VWA5B1: variants seen among roughly 807,000 people sequenced by gnomAD.
VWA5B1 encodes the protein von Willebrand factor A domain containing 5B1.
Under a neutral mutation model 118.2 loss-of-function variants are expected in VWA5B1, and 115 were observed. The ratio of observed to expected loss-of-function variants is 0.97; its 90% CI spans 0.84 to 1.14. The LOEUF (loss-of-function observed/expected upper bound fraction) is 1.14, where lower values mean the gene tolerates loss of function less well. Among genes scored for constraint, VWA5B1 ranks in the 50% most tolerant of loss-of-function variants. VWA5B1 has a pLI of 0.00. For missense variants in VWA5B1, 1,596 were observed against 1,603.8 expected, an observed-to-expected ratio of 1.00 and a Z score of 0.08; for synonymous variants, 682 against 658.4, an observed-to-expected ratio of 1.04 and a Z score of -0.55.
chr1:20,307,103 G>C (rs1424452160), intron 1 of VWA5B1, among the ~76,000 whole-genome samples: 2 of 152,130 alleles, frequency 1.3e-5, no homozygotes, highest in African/African-American at 4.8e-5. Context: ...ACTGGACAAA[G>C]ACACGCTGTG....
chr1:20,296,682 A>G (rs192921113), intron 1 of VWA5B1, among the ~76,000 whole-genome samples: 51 of 152,370 alleles, frequency 3.3e-4, no homozygotes, highest in Admixed American at 3.1e-3. Flanking sequence ...GGTTGTAACT[A>G]TAATCTTATT....
intron 15 of VWA5B1, 33 bp downstream of exon 15, chr1:20,342,642 G>T (rs1316508955): frequency 4.2e-5 from 60 of 1,443,462 alleles, no homozygotes; most frequent in Non-Finnish European, 5.5e-5. Context: ...ACCCAACTGG[G>T]GACAGGGAGG....
At chr1:20,345,668 A>G in intron 17 of VWA5B1, 75 bp downstream of exon 17, 1 of 1,461,286 alleles carries the variant, frequency 6.8e-7, no homozygotes, top group South Asian at 1.4e-5. Flanking sequence ...GGGCTGAGAT[A>G]CAAAGGACCA....
rs971925037 is a variant in VWA5B1 at position 20,336,453 on chromosome 1, C to T, written c.1909C>T (p.Arg637Trp). Reference protein sequence around the residue: ...PFILGQAKNARLASGDSTTKH... With the variant: ...PFILGQAKNAWLASGDSTTKH... ...CATCCTAGGGCAGGCCAAAAATGCC[C>T]GGCTAGCCAGCGGAGACTCTACCAC... Residue 637 changes from arginine to tryptophan, a missense_variant, in exon 13 of 22, where the codon CGG becomes TGG. Coordinates refer to ENST00000289815, the MANE Select transcript of VWA5B1 (RefSeq NM_001039500.3). 1.4e-5 allele frequency: 21 copies of T among 1,476,124 alleles called. No individual in the cohort carries two copies. In the East Asian group the frequency reaches 2.1e-4, roughly 15 times the overall value. 91.4% of individuals were successfully genotyped at this position (1,476,124 alleles called of 1,614,324 possible). A position where few individuals can be genotyped will look rare whatever the true frequency, so the allele number is the denominator to read the frequency against.
chr1:20,319,549 G>T (rs1332069101), intron 7 of VWA5B1, 43 bp downstream of exon 7: 2 of 1,549,008 alleles, frequency 1.3e-6, no homozygotes, highest in South Asian at 1.2e-5. Context: ...GCAGAGTTGG[G>T]GTGGCGCTGA....
intron 12 of VWA5B1, 99 bp downstream of exon 12, chr1:20,333,050 A>C: frequency 1.4e-6 from 2 of 1,393,392 alleles, no homozygotes; most frequent in Non-Finnish European, 1.9e-6. Context: ...CTAGAAACCA[A>C]CTGGAAGTGG....
At chr1:20,352,373 C>T (rs1348163072) in intron 21 of VWA5B1, among the ~76,000 whole-genome samples, 1 of 152,152 alleles carries the variant, frequency 6.6e-6, no homozygotes, top group Non-Finnish European at 1.5e-5. Context: ...CATGAATCTC[C>T]CCTGCCCAGA....
intron 7 of VWA5B1, among the ~76,000 whole-genome samples, chr1:20,322,341 AGAG>A (rs2089244850): frequency 6.6e-6 from 1 of 152,180 alleles, no homozygotes. Flanking sequence ...GGAGACAGAG[AGAG>A]AAAGTCGGGG....
At chr1:20,308,432 G>A (rs983175829) in intron 1 of VWA5B1, among the ~76,000 whole-genome samples, 1 of 152,192 alleles carries the variant, frequency 6.6e-6, no homozygotes, top group Non-Finnish European at 1.5e-5. Flanking sequence ...CCCTAAGGCT[G>A]CGTTCCCCAA....
rs2089436367 is a variant in VWA5B1 at position 20,327,905 on chromosome 1, G to A, written c.1159G>A (p.Ala387Thr). The change falls in exon 9 of 22, where the codon GCC (alanine) becomes ACC (threonine). Residue 387 changes from alanine to threonine, a missense_variant. Transcript: ENST00000289815. Reference sequence around the variant, plus strand: ...CTCCTGCCAGGATGCCATGTTGGTGGCCCTTAAGAGCCTCATGCCAGCCTG... The same window carrying A: ...CTCCTGCCAGGATGCCATGTTGGTGACCCTTAAGAGCCTCATGCCAGCCTG... ...MHRVKDAMLV[A>T]LKSLMPACLF... The A allele has an allele frequency of 3.2e-6, 5 of 1,551,522 alleles. No homozygotes were observed. The highest frequency in any genetic ancestry group is 4.4e-6 in the Non-Finnish European group (5 of 1,146,962).
chr1:20,327,786 T>C (rs1557852515), intron 8 of VWA5B1, 104 bp from the exon 9 acceptor site: 1 of 975,852 alleles, frequency 1.0e-6, no homozygotes, highest in African/African-American at 1.6e-5. Flanking sequence ...GGTAAAGGTC[T>C]GTTTGGAGGC....
At chr1:20,305,155 G>C (rs1394566275) in intron 1 of VWA5B1, among the ~76,000 whole-genome samples, 1 of 151,600 alleles carries the variant, frequency 6.6e-6, no homozygotes, top group Non-Finnish European at 1.5e-5. Context: ...AAGTGCTAAG[G>C]AAAAAAAACA....
intron 6 of VWA5B1, 37 bp from the exon 7 acceptor site, chr1:20,319,345 C>A (rs190078487): frequency 3.2e-6 from 5 of 1,547,952 alleles, no homozygotes; most frequent in East Asian, 2.5e-5. Flanking sequence ...TCCTACGATA[C>A]CTGGCCAAGT....
chr1:20,323,997 A>C (rs2089300392), intron 8 of VWA5B1, among the ~76,000 whole-genome samples: 1 of 152,198 alleles, frequency 6.6e-6, no homozygotes, highest in African/African-American at 2.4e-5. Context: ...CACCTGCCCA[A>C]GGTCACATGG....
intron 12 of VWA5B1, among the ~76,000 whole-genome samples, chr1:20,335,259 G>A (rs2089679997): frequency 1.3e-5 from 2 of 152,222 alleles, no homozygotes; most frequent in African/African-American, 4.8e-5. Context: ...AGGCTGCAGT[G>A]AACTGATGAT....
chr1:20,350,234 A>AGT lies in VWA5B1; in HGVS notation c.2953+6_2953+7dup, dbSNP rs1415310726. 6.4e-7 allele frequency: 1 copy of AGT among 1,550,958 alleles called. No homozygotes were observed. ...GAGAAGCACGGTGCTTCTGAAGGTG[A>AGT]GTGGGCAGGTGGCGCTGCCTCTTCA... On this transcript the variant is annotated splice_donor_region_variant and intron_variant, in intron 19 of 21. Coordinates refer to ENST00000289815, the MANE Select transcript of VWA5B1 (RefSeq NM_001039500.3).
intron 8 of VWA5B1, among the ~76,000 whole-genome samples, chr1:20,326,881 T>A (rs926607461): frequency 1.3e-5 from 2 of 152,198 alleles, no homozygotes; most frequent in Non-Finnish European, 2.9e-5. Flanking sequence ...CTCACTGAGT[T>A]GATAATGATA....
chr1:20,336,918 C>G (rs1319059455), intron 13 of VWA5B1, among the ~76,000 whole-genome samples: 1 of 152,078 alleles, frequency 6.6e-6, no homozygotes, highest in South Asian at 2.1e-4. Context: ...GAAAATTTAA[C>G]AAACTATGGG....
chr1:20,348,657 C>T (rs1214711607), intron 18 of VWA5B1, among the ~76,000 whole-genome samples: 3 of 152,210 alleles, frequency 2.0e-5, no homozygotes, highest in Non-Finnish European at 2.9e-5. Context: ...GGTGCTGTTC[C>T]CTGCCTCCAG....
Sources: allele counts gnomAD v4.1 joint callset (sites outside exome capture counted in the v4.1 genomes callset), GRCh38; gene constraint gnomAD v4.1.1; transcripts MANE v1.5; gene names NCBI Gene and HGNC (gene_info 2026-07-23, HGNC 2026-07-21).